Variants in EBF3 observed in about 807,000 individuals in gnomAD.
EBF3 encodes the protein EBF transcription factor 3, also known as transcription factor COE3.
EBF3 carries 18 observed loss-of-function variants against 77.1 expected under a neutral mutation model. The ratio of observed to expected loss-of-function variants is 0.23; its 90% confidence interval spans 0.16 to 0.35. The LOEUF (loss-of-function observed/expected upper bound fraction) is 0.35, where lower values mean the gene tolerates loss of function less well. Among genes scored for constraint, EBF3 ranks in the 10% least tolerant of loss-of-function variants. The pLI, the probability that EBF3 is intolerant of heterozygous loss-of-function variation, is 1.00. For synonymous variants in EBF3, 350 were observed against 343.5 expected (o/e 1.02, Z -0.21); for missense variants, 558 against 860.0 (o/e 0.65, Z 4.39).
intron 6 of EBF3, among the ~76,000 whole-genome samples, chr10:129,887,047 T>A (rs1465256584): frequency 7.9e-5 from 1 of 12,694 alleles, no homozygotes. Flanking sequence ...TGGGTGGGGG[T>A]TGTGGGCGGG....
intron 10 of EBF3, among the ~76,000 whole-genome samples, chr10:129,860,218 T>C (rs1851521057): frequency 6.6e-6 from 1 of 151,556 alleles, no homozygotes; most frequent in Non-Finnish European, 1.5e-5. Flanking sequence ...AACTCAAAAG[T>C]CCGGAGTGTG....
At chr10:129,865,277 A>G (rs1356726417) in intron 10 of EBF3, among the ~76,000 whole-genome samples, 1 of 152,228 alleles carries the variant, frequency 6.6e-6, no homozygotes, top group East Asian at 1.9e-4. Flanking sequence ...GTTGCACAGC[A>G]AAAGTTCTTA....
At chr10:129,954,199 C>G (rs916300287) in intron 6 of EBF3, among the ~76,000 whole-genome samples, 16 of 152,148 alleles carry the variant, frequency 1.1e-4, no homozygotes, top group African/African-American at 3.4e-4. Context: ...CCTGTAGTAT[C>G]TCTTTATTGA....
intron 6 of EBF3, among the ~76,000 whole-genome samples, chr10:129,903,608 G>T (rs1050796611): frequency 6.6e-6 from 1 of 152,210 alleles, no homozygotes; most frequent in Non-Finnish European, 1.5e-5. Flanking sequence ...ACAAATATTT[G>T]TTGAGACATT....
At chr10:129,937,213 C>T (rs770195154) in intron 6 of EBF3, among the ~76,000 whole-genome samples, 3 of 152,062 alleles carry the variant, frequency 2.0e-5, no homozygotes, top group Middle Eastern at 3.2e-3. Flanking sequence ...CGTAGGGGGC[C>T]GGGTCGACAA....
chr10:129,862,646 C>G (rs938006805), intron 10 of EBF3, among the ~76,000 whole-genome samples: 1 of 152,164 alleles, frequency 6.6e-6, no homozygotes, highest in Non-Finnish European at 1.5e-5. Flanking sequence ...AACCATTCTG[C>G]CAAATGGACA....
intron 6 of EBF3, among the ~76,000 whole-genome samples, chr10:129,918,210 G>A (rs2134337519): frequency 6.6e-6 from 1 of 152,304 alleles, no homozygotes; most frequent in African/African-American, 2.4e-5. Flanking sequence ...AAGAGCTCAG[G>A]CATAGGTTCT....
chr10:129,896,440 A>G (rs931087690), intron 6 of EBF3, among the ~76,000 whole-genome samples: 1 of 152,168 alleles, frequency 6.6e-6, no homozygotes, highest in South Asian at 2.1e-4. Context: ...ACCGTCAGCC[A>G]CCCTGGCCTG....
chr10:129,891,822 G>A (rs149892491), intron 6 of EBF3, among the ~76,000 whole-genome samples: 194 of 152,304 alleles, frequency 1.3e-3, no homozygotes, highest in South Asian at 3.5e-3. Flanking sequence ...GGCTCACGGC[G>A]TCTCTGAGGC....
chr10:129,840,233 C>T lies in EBF3; in HGVS notation c.1759+12G>A. On this transcript the variant is annotated intron_variant, in intron 15 of 16. Coordinates refer to ENST00000440978, the MANE Select transcript of EBF3 (RefSeq NM_001375380.1). The stretch of plus-strand genomic sequence containing the variant: ...GACCCAGCACTGGCCCACGGCCCCG[C>T]ACCACCCTCACCTTGCAGTCCATTC... 1.3e-6 allele frequency: 2 copies of T among 1,553,542 alleles called. No homozygotes were observed. Among genetic ancestry groups the T allele is most frequent in the Non-Finnish European group, 1.7e-6 (2 of 1,147,576 alleles).
At chr10:129,923,412 A>T (rs904984052) in intron 6 of EBF3, among the ~76,000 whole-genome samples, 3 of 152,198 alleles carry the variant, frequency 2.0e-5, no homozygotes, top group Non-Finnish European at 2.9e-5. Flanking sequence ...ACAGTAACCA[A>T]AACAGTGTGG....
At chr10:129,924,435 AAAAAAAAAAAC>A in intron 6 of EBF3, among the ~76,000 whole-genome samples, 1 of 148,186 alleles carries the variant, frequency 6.7e-6, no homozygotes, top group African/African-American at 2.5e-5. Context: ...AACAACAAAA[AAAAAAAAAAAC>A]AAAAAACAAA....
chr10:129,840,559 G>A, intron 14 of EBF3, 117 bp from the exon 15 acceptor site: 2 of 1,204,544 alleles, frequency 1.7e-6, no homozygotes, highest in South Asian at 2.9e-5. Context: ...AACATGACAT[G>A]CGTCTGGCTC....
chr10:129,884,311 C>T (rs573577050), intron 6 of EBF3, among the ~76,000 whole-genome samples: 1 of 152,302 alleles, frequency 6.6e-6, no homozygotes, highest in South Asian at 2.1e-4. Flanking sequence ...AGACTACATT[C>T]TGCTGACATC....
intron 10 of EBF3, among the ~76,000 whole-genome samples, chr10:129,859,901 A>G (rs1027335660): frequency 1.3e-5 from 2 of 152,206 alleles, no homozygotes; most frequent in African/African-American, 4.8e-5. Context: ...CTATTTTTCC[A>G]GGACAACAGA....
chr10:129,867,701 T>G, intron 9 of EBF3, 81 bp downstream of exon 9: 1 of 1,581,712 alleles, frequency 6.3e-7, no homozygotes, highest in Non-Finnish European at 8.6e-7. Flanking sequence ...GGGCACCTTG[T>G]GTCAATACAC....
At chr10:129,931,610 T>C (rs1263458415) in intron 6 of EBF3, among the ~76,000 whole-genome samples, 1 of 152,272 alleles carries the variant, frequency 6.6e-6, no homozygotes, top group Admixed American at 6.5e-5. Flanking sequence ...TGATTCTAAC[T>C]TGCTCTTGAT....
intron 6 of EBF3, among the ~76,000 whole-genome samples, chr10:129,936,292 T>C (rs1024406825): frequency 1.3e-5 from 2 of 152,176 alleles, no homozygotes; most frequent in African/African-American, 2.4e-5. Flanking sequence ...ACATAACCCC[T>C]GCCCAGCCCA....
rs755637697 is a variant in EBF3, at chr10:129,836,972, G to GA, written c.*970dup. ...TTTTCTAAATATTTTAAGTGGATCT[G>GA]AAAAAAATTCAAGACAAGTGTATAA... On this transcript the variant is annotated 3_prime_UTR_variant, in exon 17 of 17. Transcript: ENST00000440978. 6.6e-6 allele frequency: 1 copy of GA among 152,560 alleles called. No individual in the cohort carries two copies. Among genetic ancestry groups the GA allele is most frequent in the African/African-American group, 2.4e-5 (1 of 41,434 alleles). 9.5% of individuals were successfully genotyped at this position (152,560 alleles called of 1,614,324 possible). A position where few individuals can be genotyped will look rare whatever the true frequency, so the allele number is the denominator to read the frequency against.
Sources: gnomAD v4.1 joint callset for allele counts (sites outside exome capture counted in the v4.1 genomes callset) on GRCh38, gnomAD v4.1.1 for gene constraint, MANE v1.5 for transcripts, NCBI Gene and HGNC (gene_info 2026-07-23, HGNC 2026-07-21) for gene names.